Variants in EXTL2 observed in about 807,000 individuals in gnomAD.
EXTL2 encodes the protein exostosin like glycosyltransferase 2, also known as exostosin-like 2.
A neutral mutation model predicts 30.7 loss-of-function variants in EXTL2; 23 were observed. The observed-to-expected ratio is 0.75, with a 90% confidence interval of 0.54 to 1.06. EXTL2 has a LOEUF of 1.06. Among genes scored for constraint, EXTL2 ranks in the 50% least tolerant of loss-of-function variants. The pLI, the probability that EXTL2 is intolerant of heterozygous loss-of-function variation, is 0.00. For missense variants in EXTL2, 352 were observed against 396.3 expected (o/e 0.89, Z 0.95); for synonymous variants, 123 against 133.8 (o/e 0.92, Z 0.56).
At chr1:100,880,866 G>A (rs1443010919) in intron 2 of EXTL2, 3 of 668,806 alleles carry the variant, frequency 4.5e-6, no homozygotes, top group Non-Finnish European at 5.5e-6. Context: ...CTAATAACTT[G>A]CTATCTAGCA....
chr1:100,887,673 C>T (rs1650070062), intron 2 of EXTL2, among the ~76,000 whole-genome samples: 1 of 152,092 alleles, frequency 6.6e-6, no homozygotes. Flanking sequence ...ATCAAACTCT[C>T]GACTCTCTCA....
chr1:100,888,102 T>C (rs1650123917), intron 2 of EXTL2, among the ~76,000 whole-genome samples: 3 of 152,364 alleles, frequency 2.0e-5, no homozygotes, highest in Admixed American at 6.5e-5. Flanking sequence ...TTCTGTAACC[T>C]GGAATACTAT....
Position 100,877,864 on chromosome 1 carries a change from C to G in EXTL2, c.45G>C (p.Gly15=), listed in dbSNP as rs1649253583. Residue 15 remains glycine (G), a synonymous_variant, in exon 3 of 5, where the codon GGG becomes GGC. Transcript: ENST00000370114. This position sits in a 1 kb window ranked among gnomAD's most constrained non-coding sequence, Gnocchi z 4.1. The stretch of plus-strand genomic sequence containing the variant: ...CCAAAGATAATCGAAGCACTCGAAT[C>G]CCCATTACTCTCCCAGGAAGTTTGC... ...HICKLPGRVM[G]IRVLRLSLVV... 6.3e-7 allele frequency: 1 copy of G among 1,599,412 alleles called. No homozygotes were observed. Among genetic ancestry groups the G allele is most frequent in the Non-Finnish European group, 8.5e-7 (1 of 1,179,400 alleles).
intron 1 of EXTL2, among the ~76,000 whole-genome samples, chr1:100,894,327 A>G (rs930210790): frequency 1.3e-5 from 2 of 152,144 alleles, no homozygotes; most frequent in African/African-American, 4.8e-5. Context: ...CTTCCTTCCA[A>G]AAAAAGAGTA....
chr1:100,884,277 T>C (rs927154980), intron 2 of EXTL2, among the ~76,000 whole-genome samples: 2 of 152,230 alleles, frequency 1.3e-5, no homozygotes, highest in African/African-American at 2.4e-5. Flanking sequence ...CCTCATACTG[T>C]CCAGATTGTT....
Position 100,877,893 on chromosome 1 carries a change from T to C in EXTL2, c.16A>G (p.Ile6Val), listed in dbSNP as rs768895254. The stretch of plus-strand genomic sequence containing the variant: ...ATTACTCTCCCAGGAAGTTTGCAGA[T>C]GTGGCAACACCTGGAGTAGAAATGG... MRCCH[I>V]CKLPGRVMGI... Residue 6 changes from isoleucine to valine, a missense_variant, in exon 3 of 5, where the codon ATC (isoleucine) becomes GTC (valine). By Grantham distance (29) the Ile-to-Val change is conservative. Transcript: ENST00000370114. This position sits in a 1 kb window ranked among gnomAD's most constrained non-coding sequence, Gnocchi z 4.1. The C allele has an allele frequency of 6.2e-5, 99 of 1,596,328 alleles. No homozygotes were observed. The highest frequency in any genetic ancestry group is 1.5e-4 in the Admixed American group (9 of 59,724).
chr1:100,886,964 C>T (rs571295840), intron 2 of EXTL2, among the ~76,000 whole-genome samples: 4 of 152,274 alleles, frequency 2.6e-5, no homozygotes, highest in African/African-American at 9.6e-5. Context: ...AGGAACATAT[C>T]CATGACTCAT....
chr1:100,890,417 T>G (rs1245395045), intron 1 of EXTL2, among the ~76,000 whole-genome samples: 1 of 152,160 alleles, frequency 6.6e-6, no homozygotes, highest in East Asian at 1.9e-4. Flanking sequence ...ATTTTCCCCT[T>G]TGTCTTGGTG....
chr1:100,885,724 G>T (rs192484032), intron 2 of EXTL2: 1 of 152,292 alleles, frequency 6.6e-6, no homozygotes, highest in African/African-American at 2.4e-5. Context: ...AAGAGTTTTT[G>T]ATGTAAGGTT....
Position 100,877,903 on chromosome 1 carries a change from C to T in EXTL2, c.6G>A (p.Arg2=). The stretch of plus-strand genomic sequence containing the variant: ...CAGGAAGTTTGCAGATGTGGCAACA[C>T]CTGGAGTAGAAATGGAAACAACATA... M[R]CCHICKLPGR... Residue 2 remains arginine, a splice_region_variant and synonymous_variant, in exon 3 of 5, where the codon AGG becomes AGA. Coordinates refer to ENST00000370114, the MANE Select transcript of EXTL2 (RefSeq NM_001033025.3). This position sits in a 1 kb window ranked among gnomAD's most constrained non-coding sequence, Gnocchi z 4.1. 3 of 1,590,428 alleles carry T rather than the reference C, an allele frequency of 1.9e-6. No individual in the cohort carries two copies. Among genetic ancestry groups the T allele is most frequent in the South Asian group, 2.2e-5 (2 of 90,148 alleles).
At chr1:100,889,555 G>A (rs1247906943) in intron 1 of EXTL2, among the ~76,000 whole-genome samples, 1 of 152,134 alleles carries the variant, frequency 6.6e-6, no homozygotes, top group Non-Finnish European at 1.5e-5. Flanking sequence ...GGCAAGGCAA[G>A]TCCCTTCTGC....
At chr1:100,879,006 G>A (rs949097587) in intron 2 of EXTL2, among the ~76,000 whole-genome samples, 2 of 152,126 alleles carry the variant, frequency 1.3e-5, no homozygotes, top group African/African-American at 4.8e-5. Context: ...TCCAGAGATA[G>A]CCATAGAACA....
intron 2 of EXTL2, chr1:100,885,541 T>G (rs1233014650): frequency 6.6e-6 from 1 of 152,186 alleles, no homozygotes; most frequent in Admixed American, 6.5e-5. Flanking sequence ...GAAAACTAAG[T>G]CAGAACACTA....
At chr1:100,884,533 TA>T (rs201321967) in intron 2 of EXTL2, among the ~76,000 whole-genome samples, 2,494 of 152,308 alleles carry the variant, frequency 0.016, 34 homozygotes, top group Non-Finnish European at 0.025. Context: ...CAACACTGTT[TA>T]AACTAAGGCA....
Position 100,873,437 on chromosome 1 carries a change from A to AG in EXTL2, c.*504dup, listed in dbSNP as rs1648847543. ...GGAAGAGCTGGTTGGCAGGGCCACA[A>AG]GGAAAGCACTGGCAGCTGCAAATTT... On this transcript the variant is annotated 3_prime_UTR_variant, in exon 5 of 5. Coordinates refer to ENST00000370114, the MANE Select transcript of EXTL2 (RefSeq NM_001033025.3). 1 of 152,698 alleles carries AG rather than the reference A, an allele frequency of 6.5e-6. No individual in the cohort carries two copies. Among genetic ancestry groups the AG allele is most frequent in the Non-Finnish European group, 1.5e-5 (1 of 68,174 alleles). The allele number at this position is 152,698 out of a possible 1,614,324, so 9.5% of individuals were successfully genotyped here.
intron 1 of EXTL2, among the ~76,000 whole-genome samples, chr1:100,889,972 A>G (rs1650289877): frequency 6.6e-6 from 1 of 152,180 alleles, no homozygotes; most frequent in African/African-American, 2.4e-5. Context: ...TTACAGCTCC[A>G]CTAGGCAATG....
At chr1:100,884,182 G>A (rs1649784154) in intron 2 of EXTL2, among the ~76,000 whole-genome samples, 1 of 152,168 alleles carries the variant, frequency 6.6e-6, no homozygotes, top group Admixed American at 6.5e-5. Flanking sequence ...ACGTGGTGTT[G>A]TACAATGAGA....
chr1:100,882,782 T>C (rs1437338954), intron 2 of EXTL2, among the ~76,000 whole-genome samples: 1 of 152,110 alleles, frequency 6.6e-6, no homozygotes, highest in Non-Finnish European at 1.5e-5. Context: ...TGTGATTGCA[T>C]CACTGCACTC....
intron 1 of EXTL2, among the ~76,000 whole-genome samples, chr1:100,891,964 C>T (rs1351963937): frequency 2.0e-5 from 3 of 152,180 alleles, no homozygotes; most frequent in Non-Finnish European, 4.4e-5. Context: ...GGTCTGATAT[C>T]TTTCACTGTC....
Sources: allele counts gnomAD v4.1 joint callset (sites outside exome capture counted in the v4.1 genomes callset), GRCh38; gene constraint gnomAD v4.1.1; non-coding constraint Gnocchi (gnomAD v3.1); transcripts MANE v1.5; gene names NCBI Gene and HGNC (gene_info 2026-07-23, HGNC 2026-07-21).